The following ARHGAP40 variants were observed in gnomAD, a reference collection of about 807,000 sequenced individuals.
The protein encoded by ARHGAP40 is rho GTPase-activating protein 40.
Under a neutral mutation model 73.5 loss-of-function variants are expected in ARHGAP40, and 43 were observed. The ratio of observed to expected loss-of-function variants is 0.58; its 90% confidence interval spans 0.46 to 0.75. The LOEUF (loss-of-function observed/expected upper bound fraction) is 0.75, where lower values mean the gene tolerates loss of function less well. Ranked by LOEUF, ARHGAP40 falls within the 30% of genes least tolerant of loss-of-function variation. The pLI, the probability that ARHGAP40 is intolerant of heterozygous loss-of-function variation, is 0.00. For missense variants in ARHGAP40, 734 were observed against 861.8 expected (o/e 0.85, Z 1.86); for synonymous variants, 300 against 352.8 (o/e 0.85, Z 1.68).
chr20:38,617,092 G>A (rs1239063321), intron 1 of ARHGAP40, among the ~76,000 whole-genome samples: 2 of 152,328 alleles, frequency 1.3e-5, no homozygotes, highest in East Asian at 3.9e-4. Flanking sequence ...ACTTTTGGGG[G>A]AAGCCCTTGG....
At chr20:38,630,768 C>T (rs933388050) in intron 5 of ARHGAP40, among the ~76,000 whole-genome samples, 2 of 152,196 alleles carry the variant, frequency 1.3e-5, no homozygotes, top group Admixed American at 6.5e-5. Flanking sequence ...CCCACCACCC[C>T]CTCAGTGCCC....
chr20:38,644,497 G>A (rs1309503382), intron 11 of ARHGAP40, among the ~76,000 whole-genome samples: 1 of 152,052 alleles, frequency 6.6e-6, no homozygotes, highest in Non-Finnish European at 1.5e-5. Context: ...CTAGCGATGC[G>A]TAGCCTCTTC....
intron 1 of ARHGAP40, 150 bp downstream of exon 1, chr20:38,602,229 T>C: frequency 9.6e-7 from 1 of 1,039,094 alleles, no homozygotes; most frequent in Non-Finnish European, 1.2e-6. Flanking sequence ...GTCACCTGGC[T>C]GTCAAGTGGT....
At chr20:38,644,964 A>G (rs1045337586) in intron 11 of ARHGAP40, among the ~76,000 whole-genome samples, 1 of 151,996 alleles carries the variant, frequency 6.6e-6, no homozygotes, top group Non-Finnish European at 1.5e-5. Flanking sequence ...ATTAGGTTAG[A>G]TTTCCTATTC....
intron 1 of ARHGAP40, among the ~76,000 whole-genome samples, chr20:38,608,903 G>A (rs568350195): frequency 1.2e-4 from 18 of 152,180 alleles, no homozygotes; most frequent in South Asian, 2.1e-4. Context: ...CTTAAGTTGC[G>A]GTCCACCTGC....
At chr20:38,612,815 G>A (rs2088811584) in intron 1 of ARHGAP40, among the ~76,000 whole-genome samples, 1 of 152,204 alleles carries the variant, frequency 6.6e-6, no homozygotes, top group Non-Finnish European at 1.5e-5. Flanking sequence ...GTGGCTAGTG[G>A]CTACAATATT....
At chr20:38,650,468 G>C (rs181821640) in exon 15 of ARHGAP40, 7 of 470,754 alleles carry the variant, frequency 1.5e-5, no homozygotes, top group South Asian at 1.6e-5. Context: ...TGAGGGGCTA[G>C]GGCCTCAGGG....
intron 1 of ARHGAP40, among the ~76,000 whole-genome samples, chr20:38,615,717 G>T (rs1259353729): frequency 6.6e-6 from 1 of 152,184 alleles, no homozygotes; most frequent in African/African-American, 2.4e-5. Context: ...TGGCACCTGG[G>T]AATGGTGTGA....
At chr20:38,636,742 G>A (rs1030469801) in intron 6 of ARHGAP40, among the ~76,000 whole-genome samples, 2 of 152,134 alleles carry the variant, frequency 1.3e-5, no homozygotes, top group Non-Finnish European at 2.9e-5. Context: ...TTATACTTAT[G>A]AGTTAAGTTC....
intron 1 of ARHGAP40, among the ~76,000 whole-genome samples, chr20:38,617,763 G>T (rs553619842): frequency 6.6e-6 from 1 of 152,324 alleles, no homozygotes; most frequent in East Asian, 1.9e-4. Context: ...GGGCAGTCTT[G>T]GGTGAGCCAC....
exon 9 of ARHGAP40, chr20:38,639,361 C>T: frequency 1.5e-6 from 2 of 1,305,550 alleles, no homozygotes; most frequent in Non-Finnish European, 2.0e-6. Context: ...CGGCTGAGTA[C>T]CTCCCGGCCT....
chr20:38,638,757 A>T lies in ARHGAP40; in HGVS notation c.1042-4A>T, dbSNP rs553303910. The T allele has an allele frequency of 7.7e-7, 1 of 1,305,226 alleles. No individual in the cohort carries two copies. Among genetic ancestry groups the T allele is most frequent in the Non-Finnish European group, 1.0e-6 (1 of 988,846 alleles). The allele number at this position is 1,305,226 out of a possible 1,614,324, so 80.9% of individuals were successfully genotyped here. Reference sequence around the variant, plus strand: ...GTTTAAATGCTGGTTTCTCTTTCTGACAGCTGCTGTCCTGTTTGGAAAAGA... The same window carrying T: ...GTTTAAATGCTGGTTTCTCTTTCTGTCAGCTGCTGTCCTGTTTGGAAAAGA... On this transcript the variant is annotated splice_region_variant and splice_polypyrimidine_tract_variant and intron_variant, in intron 7 of 14. Transcript: ENST00000373345.
intron 1 of ARHGAP40, 142 bp from the exon 2 acceptor site, chr20:38,623,217 G>A (rs2088882081): frequency 1.8e-6 from 1 of 541,420 alleles, no homozygotes; most frequent in Non-Finnish European, 2.8e-6. Context: ...AATTTGCTGA[G>A]ATCACCCTGA....
intron 5 of ARHGAP40, 135 bp downstream of exon 5, chr20:38,629,785 C>A: frequency 2.0e-6 from 2 of 1,014,572 alleles, no homozygotes; most frequent in Non-Finnish European, 2.6e-6. Context: ...TTAATTCGTA[C>A]CACAAATATT....
In ARHGAP40 at chr20:38,650,508, G is replaced by A. The variant is rs2089083353; in HGVS notation, c.*660G>A. The A allele has an allele frequency of 8.5e-6, 4 of 468,740 alleles. No individual in the cohort carries two copies. The East Asian group carries it at 2.8e-4, about 33-fold the overall frequency. 29.0% of individuals were successfully genotyped at this position (468,740 alleles called of 1,614,324 possible). On this transcript the variant is annotated 3_prime_UTR_variant, in exon 15 of 15. Transcript: ENST00000373345. The stretch of plus-strand genomic sequence containing the variant: ...GAAGCCAAGATTGTAGCCATGACCA[G>A]CCCCGGGAGAAATGGACAGAGGAAG...
chr20:38,627,491 GTGCA>G (rs151290480), intron 3 of ARHGAP40, among the ~76,000 whole-genome samples: 4 of 129,318 alleles, frequency 3.1e-5, no homozygotes, highest in African/African-American at 5.5e-5. Flanking sequence ...ATGTTGGTGT[GTGCA>G]TGTTGGTGTC....
chr20:38,631,682 A>G (rs2088939384), intron 5 of ARHGAP40, among the ~76,000 whole-genome samples: 1 of 152,148 alleles, frequency 6.6e-6, no homozygotes. Context: ...GAAGTGACAG[A>G]ATTGGCTCCC....
chr20:38,640,150 C>CT (rs1555792545), intron 9 of ARHGAP40, among the ~76,000 whole-genome samples: 3 of 134,234 alleles, frequency 2.2e-5, no homozygotes, highest in African/African-American at 6.0e-5. Flanking sequence ...CTTTCTTCTT[C>CT]CTCTTCTTTC....
At chr20:38,605,934 T>C (rs567881821) in intron 1 of ARHGAP40, among the ~76,000 whole-genome samples, 3 of 152,302 alleles carry the variant, frequency 2.0e-5, no homozygotes, top group Non-Finnish European at 4.4e-5. Context: ...TTGACCAGGC[T>C]GAGGCTGGAG....
Sources: allele counts gnomAD v4.1 joint callset (sites outside exome capture counted in the v4.1 genomes callset), GRCh38; gene constraint gnomAD v4.1.1; transcripts MANE v1.5; gene names NCBI Gene and HGNC (gene_info 2026-07-23, HGNC 2026-07-21).